ZNF804A: variants seen among roughly 807,000 people sequenced by gnomAD.
The protein encoded by ZNF804A is zinc finger protein 804A.
In ZNF804A, 2 loss-of-function variants were observed where a neutral mutation model predicts 16.5. The ratio of observed to expected loss-of-function variants is 0.12; its 90% confidence interval spans 0.05 to 0.38. ZNF804A has a LOEUF of 0.38. ZNF804A is among the 10% of genes least tolerant of loss of function. The pLI, the probability that ZNF804A is intolerant of heterozygous loss-of-function variation, is 0.99. For missense variants in ZNF804A, 1,473 were observed against 1,390.7 expected (o/e 1.06, Z -0.94); for synonymous variants, 534 against 489.6 (o/e 1.09, Z -1.20).
At chr2:184,868,838 C>G (rs977067351) in intron 2 of ZNF804A, among the ~76,000 whole-genome samples, 3 of 151,984 alleles carry the variant, frequency 2.0e-5, no homozygotes, top group African/African-American at 7.2e-5. Flanking sequence ...AACTAAAACT[C>G]CAGCCTAATG....
At chr2:184,726,638 AC>A (rs1284346009) in intron 1 of ZNF804A, among the ~76,000 whole-genome samples, 1 of 151,674 alleles carries the variant, frequency 6.6e-6, no homozygotes. Context: ...AATTAAAAAA[AC>A]AGTCAAACTA....
intron 1 of ZNF804A, among the ~76,000 whole-genome samples, chr2:184,606,675 G>A (rs893625179): frequency 2.0e-5 from 3 of 152,144 alleles, no homozygotes; most frequent in African/African-American, 2.4e-5. Context: ...AAATCTAAGA[G>A]CAAAAACTGA....
chr2:184,937,702 A>G lies in ZNF804A; in HGVS notation c.2306A>G (p.Tyr769Cys). 6.2e-7 allele frequency: 1 copy of G among 1,614,094 alleles called. No individual in the cohort carries two copies. The highest frequency in any genetic ancestry group is 8.5e-7 in the Non-Finnish European group (1 of 1,179,994). The change falls in exon 4 of 4, where the codon TAT (tyrosine) becomes TGT (cysteine). Residue 769 changes from tyrosine (Y) to cysteine (C), a missense_variant. Physicochemically the swap from Tyr to Cys is radical, Grantham distance 194. Transcript: ENST00000302277. The part of the protein sequence containing the change: ...NSVMNESERF[Y>C]RKRRQHSHSY... The stretch of plus-strand genomic sequence containing the variant: ...GTCATGAATGAATCAGAAAGATTCT[A>G]TCGAAAACGTAGACAACATTCACAT...
At chr2:184,699,430 G>C (rs1692884900) in intron 1 of ZNF804A, among the ~76,000 whole-genome samples, 1 of 152,078 alleles carries the variant, frequency 6.6e-6, no homozygotes, top group Non-Finnish European at 1.5e-5. Flanking sequence ...GGTGAATCCA[G>C]ATAACCAAGT....
chr2:184,730,134 C>A (rs1453337104), intron 1 of ZNF804A, among the ~76,000 whole-genome samples: 1 of 151,840 alleles, frequency 6.6e-6, no homozygotes, highest in African/African-American at 2.4e-5. Flanking sequence ...TTTTCTTATT[C>A]TTTAATTTTA....
At chr2:184,657,756 C>T (rs941941162) in intron 1 of ZNF804A, among the ~76,000 whole-genome samples, 9 of 152,046 alleles carry the variant, frequency 5.9e-5, no homozygotes, top group African/African-American at 1.9e-4. Context: ...GAATACTTAT[C>T]TAATGGGAGG....
chr2:184,800,636 G>A (rs962162978), intron 1 of ZNF804A, among the ~76,000 whole-genome samples: 2 of 151,328 alleles, frequency 1.3e-5, no homozygotes, highest in Non-Finnish European at 3.0e-5. Context: ...TGAAAATATT[G>A]TACAATTTTT....
At chr2:184,711,119 C>G (rs1693118827) in intron 1 of ZNF804A, among the ~76,000 whole-genome samples, 1 of 151,744 alleles carries the variant, frequency 6.6e-6, no homozygotes, top group Non-Finnish European at 1.5e-5. Context: ...ACATTCCCAC[C>G]AGCAGTGTAC....
intron 1 of ZNF804A, among the ~76,000 whole-genome samples, chr2:184,695,448 G>A (rs575654329): frequency 4.2e-5 from 5 of 118,438 alleles, no homozygotes; most frequent in East Asian, 5.4e-4. Flanking sequence ...CTGGGCGACA[G>A]AGCGAGACTC....
intron 1 of ZNF804A, among the ~76,000 whole-genome samples, chr2:184,702,913 A>G (rs1323853741): frequency 1.3e-5 from 2 of 152,164 alleles, no homozygotes; most frequent in Non-Finnish European, 2.9e-5. Context: ...TCATTTTGTC[A>G]GCCAATTTTA....
intron 1 of ZNF804A, among the ~76,000 whole-genome samples, chr2:184,695,691 A>G (rs573412606): frequency 2.0e-5 from 3 of 152,032 alleles, no homozygotes; most frequent in South Asian, 2.1e-4. Flanking sequence ...GTGTTGGGAT[A>G]TCAAGCATGA....
intron 1 of ZNF804A, among the ~76,000 whole-genome samples, chr2:184,629,163 A>G (rs1303881459): frequency 1.3e-5 from 2 of 152,112 alleles, no homozygotes; most frequent in South Asian, 2.1e-4. Flanking sequence ...ATATATTCAT[A>G]GTATATTCCT....
At chr2:184,778,972 A>C (rs1694332995) in intron 1 of ZNF804A, among the ~76,000 whole-genome samples, 1 of 151,710 alleles carries the variant, frequency 6.6e-6, no homozygotes, top group Non-Finnish European at 1.5e-5. Context: ...AGGGTAGTAA[A>C]TTTAATAAAA....
intron 2 of ZNF804A, among the ~76,000 whole-genome samples, chr2:184,866,933 T>C (rs1319306035): frequency 3.3e-5 from 5 of 151,208 alleles, no homozygotes; most frequent in African/African-American, 4.8e-5. Flanking sequence ...AAATAAAATT[T>C]AACATAGTTT....
chr2:184,754,112 T>A (rs1232116659), intron 1 of ZNF804A, among the ~76,000 whole-genome samples: 2 of 151,784 alleles, frequency 1.3e-5, no homozygotes, highest in East Asian at 3.9e-4. Context: ...CGACATAAGT[T>A]TGATCAGTTA....
chr2:184,933,792 G>T, intron 3 of ZNF804A, 59 bp downstream of exon 3: 1 of 1,533,044 alleles, frequency 6.5e-7, no homozygotes, highest in Non-Finnish European at 8.8e-7. Flanking sequence ...GGGGTATAGG[G>T]GGAGTCAGAA....
At chr2:184,612,995 ATGT>A (rs1471986365) in intron 1 of ZNF804A, among the ~76,000 whole-genome samples, 2 of 152,250 alleles carry the variant, frequency 1.3e-5, no homozygotes, top group Non-Finnish European at 2.9e-5. Flanking sequence ...GAGACTGAGG[ATGT>A]TGTTTCCTTA....
At chr2:184,897,666 G>T (rs1333065137) in intron 2 of ZNF804A, among the ~76,000 whole-genome samples, 1 of 151,990 alleles carries the variant, frequency 6.6e-6, no homozygotes, top group Non-Finnish European at 1.5e-5. Context: ...TATTAGCATA[G>T]ACATTCATCT....
intron 1 of ZNF804A, among the ~76,000 whole-genome samples, chr2:184,810,543 T>C (rs1209017935): frequency 7.0e-6 from 1 of 143,834 alleles, no homozygotes. Context: ...CAGGCTGGAG[T>C]GCAGTGGAGC....
Sources: gnomAD v4.1 joint callset for allele counts (sites outside exome capture counted in the v4.1 genomes callset) on GRCh38, gnomAD v4.1.1 for gene constraint, MANE v1.5 for transcripts, NCBI Gene and HGNC (gene_info 2026-07-23, HGNC 2026-07-21) for gene names.